Variants in GALNT13 observed in about 807,000 individuals in gnomAD.
GALNT13 encodes the protein UDP-GalNAc:polypeptide N-acetylgalactosaminyltransferase 13.
GALNT13 carries 28 observed loss-of-function variants against 64.2 expected under a neutral mutation model. The observed-to-expected ratio is 0.44, with a 90% CI of 0.32 to 0.60. The LOEUF is 0.60. Ranked by LOEUF, GALNT13 falls within the 20% of genes least tolerant of loss-of-function variation. GALNT13 has a pLI of 0.05. For missense variants in GALNT13, 577 were observed against 669.8 expected, an observed-to-expected ratio of 0.86 and a Z score of 1.53; for synonymous variants, 214 against 224.6, an observed-to-expected ratio of 0.95 and a Z score of 0.42.
At chr2:153,294,080 C>T in the GALNT13 span, among the ~76,000 whole-genome samples, 25 of 152,252 alleles carry the variant, frequency 1.6e-4, no homozygotes, top group South Asian at 3.1e-3. Flanking sequence ...GCCTTGACTT[C>T]CCAGAGTGCT....
intron 3 of GALNT13, among the ~76,000 whole-genome samples, chr2:153,992,185 C>A (rs1038143501): frequency 4.6e-5 from 7 of 152,058 alleles, no homozygotes; most frequent in Non-Finnish European, 8.8e-5. Context: ...ACTAGAAAAA[C>A]AGCAACCACT....
the GALNT13 span, among the ~76,000 whole-genome samples, chr2:153,617,682 C>T: frequency 6.6e-6 from 1 of 151,622 alleles, no homozygotes; most frequent in South Asian, 2.1e-4. Context: ...CCACTGGGTC[C>T]CAGGCTTTTT....
intron 12 of GALNT13, chr2:154,446,497 C>T (rs1701583444): frequency 7.1e-7 from 1 of 1,415,288 alleles, no homozygotes; most frequent in Non-Finnish European, 9.4e-7. Flanking sequence ...TGCATGTTGC[C>T]TAGGATGATT....
At chr2:153,691,109 G>T in the GALNT13 span, among the ~76,000 whole-genome samples, 1 of 152,094 alleles carries the variant, frequency 6.6e-6, no homozygotes, top group Non-Finnish European at 1.5e-5. Context: ...ATGTCTTGTA[G>T]TATTGCTTGT....
chr2:153,668,057 T>C, the GALNT13 span, among the ~76,000 whole-genome samples: 2 of 152,096 alleles, frequency 1.3e-5, no homozygotes, highest in African/African-American at 4.8e-5. Context: ...TTCATAATAA[T>C]TATATATATT....
At chr2:153,786,012 C>G in the GALNT13 span, among the ~76,000 whole-genome samples, 1 of 151,742 alleles carries the variant, frequency 6.6e-6, no homozygotes, top group Non-Finnish European at 1.5e-5. Context: ...GCCAGCAGTG[C>G]GGATGCTCCA....
the GALNT13 span, among the ~76,000 whole-genome samples, chr2:153,572,475 C>T: frequency 6.6e-6 from 1 of 150,588 alleles, no homozygotes; most frequent in South Asian, 2.1e-4. Context: ...TTATTTTCTT[C>T]TCATAATTTT....
chr2:153,841,249 C>T, the GALNT13 span, among the ~76,000 whole-genome samples: 7 of 152,102 alleles, frequency 4.6e-5, no homozygotes, highest in East Asian at 7.7e-4. Context: ...AGAAATTCAT[C>T]GTGTTTTATT....
intron 2 of GALNT13, among the ~76,000 whole-genome samples, chr2:153,932,626 C>CTTTTTTTTTTTTT: frequency 1.0e-5 from 1 of 95,650 alleles, no homozygotes; most frequent in Non-Finnish European, 2.0e-5. Context: ...TTCTGTCTTT[C>CTTTTTTTTTTTTT]TTTTTTTTTT....
At chr2:153,673,820 C>T in the GALNT13 span, among the ~76,000 whole-genome samples, 2 of 152,062 alleles carry the variant, frequency 1.3e-5, no homozygotes, top group Admixed American at 6.6e-5. Flanking sequence ...TCATCTCAGC[C>T]TAAAATCTCA....
At chr2:153,688,037 G>A in the GALNT13 span, among the ~76,000 whole-genome samples, 1 of 151,932 alleles carries the variant, frequency 6.6e-6, no homozygotes, top group Non-Finnish European at 1.5e-5. Flanking sequence ...AGTTATTGTT[G>A]CTGTTAATTT....
chr2:153,212,005 GA>G, the GALNT13 span, among the ~76,000 whole-genome samples: 2 of 151,716 alleles, frequency 1.3e-5, no homozygotes, highest in Non-Finnish European at 2.9e-5. Context: ...GTGATGCTTA[GA>G]AAAAAAAGCA....
At chr2:154,139,710 A>G (rs1683153835) in intron 3 of GALNT13, among the ~76,000 whole-genome samples, 1 of 151,908 alleles carries the variant, frequency 6.6e-6, no homozygotes, top group Non-Finnish European at 1.5e-5. Flanking sequence ...ATAACTTGGG[A>G]GAAGTGGCGA....
the GALNT13 span, among the ~76,000 whole-genome samples, chr2:153,221,573 CG>C: frequency 6.6e-6 from 1 of 152,160 alleles, no homozygotes; most frequent in East Asian, 1.9e-4. Context: ...GTGCCTTTGC[CG>C]GAGTTTTGCT....
In GALNT13 at chr2:153,944,608, G is replaced by A; in HGVS notation, c.111G>A (p.Lys37=). 1 of 1,613,482 alleles carries A rather than the reference G, an allele frequency of 6.2e-7. No individual in the cohort carries two copies. The highest frequency in any genetic ancestry group is 8.5e-7 in the Non-Finnish European group (1 of 1,179,576). Reference sequence around the variant, plus strand: ...GTGAATGTAACAAATGTGATGACAAGAAGGAGAGATCTCTGCTGCCTGCAT... The same window carrying A: ...GTGAATGTAACAAATGTGATGACAAAAAGGAGAGATCTCTGCTGCCTGCAT... ...YFSECNKCDD[K]KERSLLPALR... Residue 37 remains lysine (K), a synonymous_variant, in exon 3 of 13, where the codon AAG becomes AAA. Transcript: ENST00000392825.
chr2:153,908,253 T>C lies in GALNT13; in HGVS notation c.-105+7246T>C, dbSNP rs148482675. ...CTGTTTAATGGGGTTGTTTACTTTTTCATTGTAATTTAAGTTCCTTATAGA... is the reference window on the plus strand; with the variant it reads ...CTGTTTAATGGGGTTGTTTACTTTTCCATTGTAATTTAAGTTCCTTATAGA... On this transcript the variant is annotated intron_variant, in intron 2 of 12. Transcript: ENST00000392825. Among the ~76,000 whole-genome samples the C allele has an allele frequency of 6.7e-3, 1,012 of 152,176 alleles. 6 individuals are homozygous for C. The highest frequency in any genetic ancestry group is 0.012 in the South Asian group (60 of 4,822).
chr2:154,177,470 A>G (rs1365822810), intron 4 of GALNT13, among the ~76,000 whole-genome samples: 2 of 152,166 alleles, frequency 1.3e-5, no homozygotes, highest in African/African-American at 4.8e-5. Context: ...TGATACTACA[A>G]TGGTGGATAC....
the GALNT13 span, among the ~76,000 whole-genome samples, chr2:153,866,640 G>A: frequency 6.6e-6 from 1 of 152,006 alleles, no homozygotes; most frequent in South Asian, 2.1e-4. Flanking sequence ...TGAAATTATT[G>A]TTACAAAACC....
At chr2:154,123,315 T>C (rs1682064680) in intron 3 of GALNT13, among the ~76,000 whole-genome samples, 1 of 152,008 alleles carries the variant, frequency 6.6e-6, no homozygotes, top group Non-Finnish European at 1.5e-5. Context: ...TGTGTATTTC[T>C]ATAAAGTTAT....
Sources: allele counts gnomAD v4.1 joint callset (sites outside exome capture counted in the v4.1 genomes callset), GRCh38; gene constraint gnomAD v4.1.1; transcripts MANE v1.5; gene names NCBI Gene and HGNC (gene_info 2026-07-23, HGNC 2026-07-21).